Variants in HCRTR2 observed in about 807,000 individuals in gnomAD.
HCRTR2 encodes hypocretin receptor 2, also known as orexin receptor type 2.
Under a neutral mutation model 49.0 loss-of-function variants are expected in HCRTR2, and 22 were observed. The observed-to-expected ratio is 0.45, with a 90% CI of 0.32 to 0.64. The LOEUF is 0.64. Ranked by LOEUF, HCRTR2 falls within the 30% of genes least tolerant of loss-of-function variation. The pLI is 0.04. For synonymous variants in HCRTR2, 236 were observed against 205.3 expected (o/e 1.15, Z -1.28); for missense variants, 491 against 559.4 (o/e 0.88, Z 1.23).
intron 1 of HCRTR2, among the ~76,000 whole-genome samples, chr6:55,188,831 T>A (rs1765268523): frequency 6.6e-6 from 1 of 152,178 alleles, no homozygotes; most frequent in Admixed American, 6.5e-5. Context: ...GAGTTGGGTT[T>A]GACATGGGGA....
At chr6:55,279,360 A>T (rs1380461715) in intron 5 of HCRTR2, among the ~76,000 whole-genome samples, 1 of 152,094 alleles carries the variant, frequency 6.6e-6, no homozygotes, top group Non-Finnish European at 1.5e-5. Flanking sequence ...GATTTCAAAG[A>T]CATTTTGAGG....
chr6:55,191,757 TAA>T (rs1381960165), intron 1 of HCRTR2, among the ~76,000 whole-genome samples: 1 of 149,706 alleles, frequency 6.7e-6, no homozygotes, highest in Non-Finnish European at 1.5e-5. Flanking sequence ...TGGTCTACAC[TAA>T]GAGTTTAGAA....
At chr6:55,160,099 T>C (rs931777568) in intron 1 of HCRTR2, among the ~76,000 whole-genome samples, 10 of 152,196 alleles carry the variant, frequency 6.6e-5, no homozygotes, top group African/African-American at 2.4e-4. Flanking sequence ...AAGGTCGGGT[T>C]ACCCACAAAG....
intron 1 of HCRTR2, among the ~76,000 whole-genome samples, chr6:55,208,471 G>A (rs1765643267): frequency 6.6e-6 from 1 of 151,384 alleles, no homozygotes; most frequent in Non-Finnish European, 1.5e-5. Flanking sequence ...CAGTCTGGGT[G>A]ACAGAGCGAG....
At chr6:55,167,279 T>A (rs537358116) in intron 1 of HCRTR2, among the ~76,000 whole-genome samples, 63 of 152,290 alleles carry the variant, frequency 4.1e-4, no homozygotes, top group African/African-American at 1.4e-3. Flanking sequence ...TGTATTGGAG[T>A]AAAAGCATGT....
chr6:55,213,699 G>A lies in HCRTR2; in HGVS notation c.224-34940G>A, dbSNP rs76032775. On this transcript the variant is annotated intron_variant, in intron 1 of 6. Coordinates refer to ENST00000370862, the MANE Select transcript of HCRTR2 (RefSeq NM_001384272.1). ...TTTCTTGGAAAAGAAAGAGAAAAAT[G>A]TACCATATGTCTAATATTCTGATGG... Among the ~76,000 whole-genome samples the A allele has an allele frequency of 2.9e-3, 448 of 152,246 alleles. 5 individuals carry two copies. The highest frequency in any genetic ancestry group is 0.01 in the African/African-American group (430 of 41,548).
chr6:55,118,895 G>A (rs957343311), intron 1 of HCRTR2, among the ~76,000 whole-genome samples: 1 of 150,544 alleles, frequency 6.6e-6, no homozygotes, highest in Non-Finnish European at 1.5e-5. Flanking sequence ...CCATCAACCC[G>A]TCACCTACAT....
intron 5 of HCRTR2, among the ~76,000 whole-genome samples, chr6:55,278,346 C>T (rs1186900859): frequency 6.6e-6 from 1 of 152,200 alleles, no homozygotes; most frequent in Non-Finnish European, 1.5e-5. Context: ...GGTCCCAAGG[C>T]AATACCAATT....
chr6:55,158,337 A>T (rs560254840), intron 1 of HCRTR2, among the ~76,000 whole-genome samples: 4 of 152,146 alleles, frequency 2.6e-5, no homozygotes, highest in African/African-American at 9.7e-5. Flanking sequence ...TCGGGTGCCT[A>T]CACCACCAGG....
intron 1 of HCRTR2, among the ~76,000 whole-genome samples, chr6:55,139,014 A>G (rs796477639): frequency 9.2e-5 from 14 of 152,260 alleles, no homozygotes; most frequent in African/African-American, 2.9e-4. Context: ...GCCAAACAAA[A>G]TTGGAAGTGT....
At chr6:55,255,519 A>T in intron 3 of HCRTR2, 140 bp downstream of exon 3, 1 of 939,570 alleles carries the variant, frequency 1.1e-6, no homozygotes, top group Admixed American at 2.0e-5. Flanking sequence ...ATGAAAACCA[A>T]CTTGAATTTC....
At chr6:55,188,081 C>T (rs1328608673) in intron 1 of HCRTR2, among the ~76,000 whole-genome samples, 1 of 152,180 alleles carries the variant, frequency 6.6e-6, no homozygotes, top group East Asian at 1.9e-4. Flanking sequence ...CACACCCGGC[C>T]ATAAATGCAG....
chr6:55,248,772 C>G lies in HCRTR2; in HGVS notation c.357C>G (p.Thr119=). ...CACTGGTCGTGGATATCACTGAGAC[C>G]TGGTTTTTTGGACAGTCCCTTTGCA... ...PATLVVDITE[T]WFFGQSLCKV... is the part of the protein sequence containing the mutation. Residue 119 remains threonine (T), a synonymous_variant, in exon 2 of 7, where the codon ACC becomes ACG. Coordinates refer to ENST00000370862, the MANE Select transcript of HCRTR2 (RefSeq NM_001384272.1). 1 of 1,613,474 alleles carries G rather than the reference C, an allele frequency of 6.2e-7. No individual in the cohort carries two copies. The highest frequency in any genetic ancestry group is 1.1e-5 in the South Asian group (1 of 91,076).
chr6:55,184,651 A>G (rs1468931312), intron 1 of HCRTR2, among the ~76,000 whole-genome samples: 2 of 152,228 alleles, frequency 1.3e-5, no homozygotes, highest in Admixed American at 6.5e-5. Context: ...ATATTTCCCT[A>G]CAGGTTGGCA....
chr6:55,109,954 T>C (rs1764027047), intron 1 of HCRTR2, among the ~76,000 whole-genome samples: 1 of 152,028 alleles, frequency 6.6e-6, no homozygotes, highest in African/African-American at 2.4e-5. Flanking sequence ...TGAAAGAATC[T>C]TAAGAGCTGT....
intron 1 of HCRTR2, among the ~76,000 whole-genome samples, chr6:55,229,695 G>C (rs1766078109): frequency 6.6e-6 from 1 of 152,206 alleles, no homozygotes; most frequent in Non-Finnish European, 1.5e-5. Flanking sequence ...CAAACTCATG[G>C]AAACAGAGAC....
At chr6:55,221,950 A>T (rs1333356733) in intron 1 of HCRTR2, among the ~76,000 whole-genome samples, 2 of 152,172 alleles carry the variant, frequency 1.3e-5, no homozygotes, top group Non-Finnish European at 2.9e-5. Flanking sequence ...CAAAAAATAG[A>T]TAAGTGGAAC....
intron 1 of HCRTR2, among the ~76,000 whole-genome samples, chr6:55,132,353 G>A (rs560943672): frequency 1.3e-3 from 201 of 151,856 alleles, no homozygotes; most frequent in Non-Finnish European, 2.1e-3. Context: ...GCTATAGACT[G>A]TCTGAAGTGC....
intron 1 of HCRTR2, among the ~76,000 whole-genome samples, chr6:55,123,931 C>A (rs996890633): frequency 1.4e-4 from 21 of 152,110 alleles, no homozygotes; most frequent in African/African-American, 4.1e-4. Flanking sequence ...TTATAGTATT[C>A]TCTGATGGTA....
Sources: gnomAD v4.1 joint callset for allele counts (sites outside exome capture counted in the v4.1 genomes callset) on GRCh38, gnomAD v4.1.1 for gene constraint, MANE v1.5 for transcripts, NCBI Gene and HGNC (gene_info 2026-07-23, HGNC 2026-07-21) for gene names.